CSMD1: variants seen among roughly 807,000 people sequenced by gnomAD.
CSMD1 encodes the protein CUB and sushi domain-containing protein 1.
Under a neutral mutation model 417.5 loss-of-function variants are expected in CSMD1, and 213 were observed. The observed-to-expected ratio is 0.51, with a 90% confidence interval of 0.46 to 0.57. The LOEUF (loss-of-function observed/expected upper bound fraction) is 0.57. CSMD1 is among the 20% of genes least tolerant of loss of function. The probability of loss-of-function intolerance (pLI) is 0.00; values close to 1 mark genes in which losing one functional copy is unlikely to be tolerated. For missense variants in CSMD1, 6,923 were observed against 4,529.7 expected (o/e 1.53, Z -15.17); for synonymous variants, 2,862 against 1,736.8 (o/e 1.65, Z -16.11).
chr8:4,330,706 G>C (rs1158459706), intron 3 of CSMD1, among the ~76,000 whole-genome samples: 3 of 151,908 alleles, frequency 2.0e-5, no homozygotes, highest in Non-Finnish European at 2.9e-5. Flanking sequence ...TTTTCTGTAG[G>C]TTGAGGATAC....
In CSMD1 at chr8:3,574,762, G is replaced by A. The variant is rs115542066; in HGVS notation, c.1344+183C>T. Among the ~76,000 whole-genome samples the A allele has an allele frequency of 9.3e-3, 1,415 of 152,340 alleles. 29 individuals are homozygous for A. Among genetic ancestry groups the A allele is most frequent in the African/African-American group, 0.031 (1,290 of 41,584 alleles). ...GCACCACAGTGAGAATACTCACTTT[G>A]CATCTGAATCTCAGACTGCTCTGCA... On this transcript the variant is annotated intron_variant, in intron 10 of 69. Coordinates refer to ENST00000635120, the MANE Select transcript of CSMD1 (RefSeq NM_033225.6).
At chr8:4,702,185 A>G (rs2116823444) in intron 1 of CSMD1, among the ~76,000 whole-genome samples, 1 of 152,314 alleles carries the variant, frequency 6.6e-6, no homozygotes, top group East Asian at 1.9e-4. Flanking sequence ...TGATGGGTTG[A>G]CAGGTGCAGC....
At chr8:3,298,755 T>C (rs1252326163) in intron 25 of CSMD1, among the ~76,000 whole-genome samples, 1 of 152,056 alleles carries the variant, frequency 6.6e-6, no homozygotes, top group East Asian at 1.9e-4. Context: ...TGCCCGACAA[T>C]TATCTTTTAC....
chr8:3,682,016 C>G (rs1029058289), intron 7 of CSMD1, among the ~76,000 whole-genome samples: 4 of 152,148 alleles, frequency 2.6e-5, no homozygotes, highest in African/African-American at 9.7e-5. Flanking sequence ...GGATCCCTTC[C>G]TTACACCTTA....
In CSMD1 at chr8:3,903,125, G is replaced by A. The variant is rs143620067; in HGVS notation, c.818+94778C>T. Among the ~76,000 whole-genome samples the A allele has an allele frequency of 3.8e-3, 584 of 152,136 alleles. 2 individuals are homozygous for A. Among genetic ancestry groups the A allele is most frequent in the Non-Finnish European group, 6.3e-3 (427 of 67,978 alleles). ...TGAGCTAGGTGGAGACCTTCTTACT[G>A]GCACTTTGGAGAAACCTGTATGAGC... On this transcript the variant is annotated intron_variant, in intron 5 of 69. Coordinates refer to ENST00000635120, the MANE Select transcript of CSMD1 (RefSeq NM_033225.6).
At chr8:2,978,087 G>C (rs1378272597) in intron 55 of CSMD1, among the ~76,000 whole-genome samples, 1 of 152,180 alleles carries the variant, frequency 6.6e-6, no homozygotes, top group Admixed American at 6.5e-5. Flanking sequence ...TATACTCAAA[G>C]GATATGAGGT....
At position 4,752,919 on chromosome 8, in the gene CSMD1, G is replaced by A. The variant is rs558600908; in HGVS notation, c.86-115361C>T. 7.7e-4 allele frequency among the ~76,000 whole-genome samples: 117 copies of A among 152,182 alleles called. No individual in the cohort carries two copies. In the South Asian group the frequency reaches 0.019, roughly 24 times the overall value. On this transcript the variant is annotated intron_variant, in intron 1 of 69. Coordinates refer to ENST00000635120, the MANE Select transcript of CSMD1 (RefSeq NM_033225.6). ...ACCACACTTTCCAGCGCTATTACAG[G>A]GCTTCCCAGTGGCGTGATGATGCTC...
At chr8:4,558,951 G>A (rs1798211945) in intron 2 of CSMD1, among the ~76,000 whole-genome samples, 1 of 151,874 alleles carries the variant, frequency 6.6e-6, no homozygotes, top group Non-Finnish European at 1.5e-5. Flanking sequence ...CTGACCTCCT[G>A]TATTTGATAC....
intron 3 of CSMD1, among the ~76,000 whole-genome samples, chr8:4,051,851 T>C (rs77795932): frequency 1.9e-4 from 7 of 36,260 alleles, no homozygotes; most frequent in Non-Finnish European, 6.0e-5. Context: ...TTTCTTTTCT[T>C]TTCTCTTTCT....
intron 23 of CSMD1, among the ~76,000 whole-genome samples, chr8:3,340,386 G>C (rs1041990178): frequency 1.1e-4 from 17 of 151,788 alleles, no homozygotes; most frequent in Non-Finnish European, 2.2e-4. Flanking sequence ...AAAATGTTAG[G>C]GTTTTTTTTT....
At chr8:4,673,948 G>C (rs1324691396) in intron 1 of CSMD1, among the ~76,000 whole-genome samples, 1 of 152,106 alleles carries the variant, frequency 6.6e-6, no homozygotes, top group Non-Finnish European at 1.5e-5. Context: ...TAATAAAGGA[G>C]GTGATTGCAC....
chr8:4,760,245 A>C (rs1811955276), intron 1 of CSMD1, among the ~76,000 whole-genome samples: 1 of 152,230 alleles, frequency 6.6e-6, no homozygotes, highest in African/African-American at 2.4e-5. Flanking sequence ...TTTTTAGAGT[A>C]CTATTTGCTT....
chr8:4,395,772 A>C (rs1186590313), intron 3 of CSMD1, among the ~76,000 whole-genome samples: 1 of 152,214 alleles, frequency 6.6e-6, no homozygotes, highest in African/African-American at 2.4e-5. Context: ...AAAAATGCTA[A>C]GTGGAAGAAG....
intron 2 of CSMD1, among the ~76,000 whole-genome samples, chr8:4,449,097 A>T (rs187604262): frequency 1.4e-4 from 22 of 152,350 alleles, no homozygotes; most frequent in African/African-American, 5.3e-4. Context: ...TGAATAGCTT[A>T]AGAGATTTGC....
intron 2 of CSMD1, among the ~76,000 whole-genome samples, chr8:4,457,449 T>C (rs777434399): frequency 1.1e-4 from 17 of 152,030 alleles, no homozygotes; most frequent in South Asian, 2.1e-4. Flanking sequence ...ACATAATGCA[T>C]TGAAAAGTCT....
At chr8:4,277,807 G>A (rs777389818) in intron 3 of CSMD1, among the ~76,000 whole-genome samples, 5 of 152,104 alleles carry the variant, frequency 3.3e-5, no homozygotes, top group South Asian at 2.1e-4. Context: ...GAGTGCAGTC[G>A]TATAATCTCG....
chr8:3,357,502 G>A (rs73657827), intron 21 of CSMD1, among the ~76,000 whole-genome samples: 3 of 152,142 alleles, frequency 2.0e-5, no homozygotes, highest in African/African-American at 7.2e-5. Flanking sequence ...TCCAACTCTA[G>A]TTACTGAGTT....
At chr8:3,667,412 T>A (rs2624093) in intron 7 of CSMD1, among the ~76,000 whole-genome samples, 1 of 151,896 alleles carries the variant, frequency 6.6e-6, no homozygotes, top group Non-Finnish European at 1.5e-5. Context: ...TGTGTGGAGA[T>A]CTTGGGGAAG....
At chr8:4,089,900 C>A (rs1277341455) in intron 3 of CSMD1, among the ~76,000 whole-genome samples, 1 of 151,966 alleles carries the variant, frequency 6.6e-6, no homozygotes, top group South Asian at 2.1e-4. Flanking sequence ...GGGTCAGGGA[C>A]CTGATTGGAA....
Sources: allele counts gnomAD v4.1 joint callset (sites outside exome capture counted in the v4.1 genomes callset), GRCh38; gene constraint gnomAD v4.1.1; transcripts MANE v1.5; gene names NCBI Gene and HGNC (gene_info 2026-07-23, HGNC 2026-07-21).